Variants in ZNF475 observed in about 807,000 individuals in gnomAD.
ZNF475 encodes the protein zinc finger protein 475.
the ZNF475 span, among the ~76,000 whole-genome samples, chr5:122,181,626 C>A: frequency 6.6e-6 from 1 of 152,130 alleles, no homozygotes; most frequent in Admixed American, 6.5e-5. Context: ...TAAGCTTTAA[C>A]GAAGTAATCT....
chr5:122,175,420 C>T, the ZNF475 span, among the ~76,000 whole-genome samples: 1 of 152,314 alleles, frequency 6.6e-6, no homozygotes, highest in Middle Eastern at 3.4e-3. Context: ...CCTGGTGCTA[C>T]TAAAGAGCAT....
At chr5:122,179,003 C>T in the ZNF475 span, among the ~76,000 whole-genome samples, 1 of 152,112 alleles carries the variant, frequency 6.6e-6, no homozygotes, top group Non-Finnish European at 1.5e-5. Context: ...ATCCTTTCCC[C>T]ATTGCTTATT....
the ZNF475 span, among the ~76,000 whole-genome samples, chr5:122,166,736 C>T: frequency 1.3e-5 from 2 of 152,122 alleles, no homozygotes; most frequent in African/African-American, 2.4e-5. Context: ...TCCAGTCTAT[C>T]GTTGACGGAC....
chr5:122,167,476 A>G, the ZNF475 span, among the ~76,000 whole-genome samples: 1 of 152,256 alleles, frequency 6.6e-6, no homozygotes, highest in Non-Finnish European at 1.5e-5. Context: ...AGTTTAGAAT[A>G]GAGATCATTT....
chr5:122,162,642 G>A, the ZNF475 span, among the ~76,000 whole-genome samples: 1 of 152,034 alleles, frequency 6.6e-6, no homozygotes, highest in Non-Finnish European at 1.5e-5. Context: ...GTCTCTGGTG[G>A]CCTCGCCTCA....
chr5:122,178,744 A>G, the ZNF475 span, among the ~76,000 whole-genome samples: 1 of 151,932 alleles, frequency 6.6e-6, no homozygotes, highest in Non-Finnish European at 1.5e-5. Context: ...GTTTAATTAG[A>G]TCCCATTTGT....
At chr5:122,161,877 G>T in the ZNF475 span, among the ~76,000 whole-genome samples, 1 of 151,780 alleles carries the variant, frequency 6.6e-6, no homozygotes, top group Admixed American at 6.6e-5. Context: ...CAAGAATTTG[G>T]CAAGACATTT....
chr5:122,175,086 G>C, the ZNF475 span, among the ~76,000 whole-genome samples: 1 of 152,060 alleles, frequency 6.6e-6, no homozygotes, highest in Non-Finnish European at 1.5e-5. Flanking sequence ...ATTGGCATAA[G>C]TTAATATAAA....
the ZNF475 span, among the ~76,000 whole-genome samples, chr5:122,163,886 T>C: frequency 2.0e-5 from 3 of 152,168 alleles, no homozygotes. Context: ...AGTTCTGTTG[T>C]AATTGTTATC....
chr5:122,163,043 CA>C, the ZNF475 span: 2 of 152,268 alleles, frequency 1.3e-5, no homozygotes, highest in East Asian at 3.9e-4. Context: ...TACCTTTGAA[CA>C]AGTTACTTAA....
the ZNF475 span, among the ~76,000 whole-genome samples, chr5:122,176,198 T>C: frequency 2.6e-5 from 4 of 152,234 alleles, 1 homozygote. Context: ...CTGGCTATAA[T>C]TTCCCTTGTC....
At chr5:122,176,044 G>C in the ZNF475 span, among the ~76,000 whole-genome samples, 34 of 152,026 alleles carry the variant, frequency 2.2e-4, no homozygotes, top group African/African-American at 8.2e-4. Context: ...CCATCTAATA[G>C]CCTTTACTCA....
At chr5:122,171,261 T>C in the ZNF475 span, among the ~76,000 whole-genome samples, 2 of 152,146 alleles carry the variant, frequency 1.3e-5, no homozygotes, top group Non-Finnish European at 2.9e-5. Flanking sequence ...CCAGAGCTGA[T>C]TTTTTTATTA....
chr5:122,165,521 C>T, the ZNF475 span, among the ~76,000 whole-genome samples: 21 of 152,126 alleles, frequency 1.4e-4, no homozygotes, highest in South Asian at 2.5e-3. Context: ...TGATTACAAC[C>T]GTATGGTTGG....
At chr5:122,178,810 C>T in the ZNF475 span, among the ~76,000 whole-genome samples, 3 of 152,138 alleles carry the variant, frequency 2.0e-5, no homozygotes, top group Non-Finnish European at 4.4e-5. Context: ...AGTCTTTGCC[C>T]ATGCCTATGT....
chr5:122,179,427 G>T, the ZNF475 span: 2 of 458,342 alleles, frequency 4.4e-6, no homozygotes, highest in Non-Finnish European at 7.7e-6. Flanking sequence ...TTGGGTAGTG[G>T]TTTATAGCTC....
At chr5:122,168,113 C>T in the ZNF475 span, among the ~76,000 whole-genome samples, 78 of 152,282 alleles carry the variant, frequency 5.1e-4, no homozygotes, top group African/African-American at 1.8e-3. Context: ...GGTGCCATCT[C>T]GGCTCACTAC....
At chr5:122,166,707 A>C in the ZNF475 span, among the ~76,000 whole-genome samples, 279 of 152,354 alleles carry the variant, frequency 1.8e-3, 9 homozygotes, top group South Asian at 0.038. Flanking sequence ...CATGGTGTAC[A>C]TGTGCCACAT....
the ZNF475 span, chr5:122,162,382 A>G: frequency 6.6e-6 from 1 of 152,252 alleles, no homozygotes; most frequent in African/African-American, 2.4e-5. Flanking sequence ...ACATTTGGGA[A>G]GAATTGTTTA....
Sources: gnomAD v4.1 joint callset for allele counts (sites outside exome capture counted in the v4.1 genomes callset) on GRCh38, gnomAD v4.1.1 for gene constraint, MANE v1.5 for transcripts, NCBI Gene and HGNC (gene_info 2026-07-23, HGNC 2026-07-21) for gene names.